The following STXBP5L variants were observed in gnomAD, a reference collection of about 807,000 sequenced individuals.
The protein encoded by STXBP5L is syntaxin binding protein 5L, also known as syntaxin-binding protein 5-like.
STXBP5L carries 65 observed loss-of-function variants against 144.5 expected under a neutral mutation model. That is an observed-to-expected ratio of 0.45 (90% CI 0.37 to 0.55). The LOEUF is 0.55. STXBP5L is among the 20% of genes least tolerant of loss of function. The pLI is 0.00. For missense variants in STXBP5L, 1,298 were observed against 1,405.5 expected, an observed-to-expected ratio of 0.92 and a Z score of 1.22; for synonymous variants, 505 against 469.6, an observed-to-expected ratio of 1.08 and a Z score of -0.97.
intron 9 of STXBP5L, among the ~76,000 whole-genome samples, chr3:121,184,433 T>G (rs988482824): frequency 1.3e-5 from 2 of 150,126 alleles, no homozygotes; most frequent in Admixed American, 6.7e-5. Flanking sequence ...AATATCAATA[T>G]CCAAATAGAT....
intron 19 of STXBP5L, among the ~76,000 whole-genome samples, chr3:121,311,898 C>G (rs540130167): frequency 2.8e-4 from 43 of 152,200 alleles, no homozygotes; most frequent in African/African-American, 8.4e-4. Flanking sequence ...AATCCTAAGC[C>G]AAAAGAACAA....
intron 7 of STXBP5L, among the ~76,000 whole-genome samples, chr3:121,146,054 G>T (rs2045701939): frequency 2.0e-5 from 3 of 151,884 alleles, no homozygotes; most frequent in Admixed American, 1.3e-4. Context: ...TCTTTCCCAG[G>T]CCTCTCCCAC....
At chr3:120,971,020 T>G (rs1268436398) in intron 3 of STXBP5L, among the ~76,000 whole-genome samples, 1 of 152,096 alleles carries the variant, frequency 6.6e-6, no homozygotes, top group Non-Finnish European at 1.5e-5. Flanking sequence ...CAGAACTGTA[T>G]TGTAGCCCTG....
chr3:121,041,375 T>G (rs1021967016), intron 3 of STXBP5L, among the ~76,000 whole-genome samples: 1 of 152,128 alleles, frequency 6.6e-6, no homozygotes, highest in Admixed American at 6.6e-5. Context: ...ACTTTGAATT[T>G]ATTGTGGTGA....
rs368864385 is a variant in STXBP5L, at chr3:121,041,657, G to A, written c.288-43G>A. On this transcript the variant is annotated intron_variant, in intron 3 of 26. Coordinates refer to ENST00000471454, the MANE Select transcript of STXBP5L (RefSeq NM_001308330.2). ...TTAGTTTCTTTGCTCATTAATATTG[G>A]TGCTAATTAAAATGTTAGAATCCTT... 8 of 1,382,222 alleles carry A rather than the reference G, an allele frequency of 5.8e-6. No homozygotes were observed. The African/African-American group carries it at 8.5e-5, about 15-fold the overall frequency. The allele number at this position is 1,382,222 out of a possible 1,614,324, so 85.6% of individuals were successfully genotyped here.
chr3:120,972,543 A>T (rs61797912), intron 3 of STXBP5L, among the ~76,000 whole-genome samples: 308 of 152,070 alleles, frequency 2.0e-3, no homozygotes, highest in Non-Finnish European at 3.0e-3. Flanking sequence ...TCTCTTTTCC[A>T]GTTTGCATGC....
chr3:121,024,907 A>G (rs1945816189), intron 3 of STXBP5L, among the ~76,000 whole-genome samples: 1 of 152,146 alleles, frequency 6.6e-6, no homozygotes, highest in African/African-American at 2.4e-5. Flanking sequence ...TGGTTTTTTG[A>G]TCATGAAAAA....
At chr3:121,363,455 G>T (rs2045773088) in intron 20 of STXBP5L, among the ~76,000 whole-genome samples, 2 of 152,136 alleles carry the variant, frequency 1.3e-5, no homozygotes, top group African/African-American at 4.8e-5. Flanking sequence ...TTCCCCTCTG[G>T]CTAGGGATGG....
At chr3:121,157,817 ACCAAC>A in intron 9 of STXBP5L, 190 bp downstream of exon 9, 1 of 674,862 alleles carries the variant, frequency 1.5e-6, no homozygotes, top group Non-Finnish European at 2.2e-6. Flanking sequence ...CCTTCTTCCT[ACCAAC>A]CCACATCCCT....
rs372159525 is a variant in STXBP5L, at chr3:121,407,368, T to C, written c.2713T>C (p.Trp905Arg). The C allele has an allele frequency of 1.0e-4, 165 of 1,612,826 alleles. No homozygotes were observed. Among genetic ancestry groups the C allele is most frequent in the Non-Finnish European group, 1.3e-4 (148 of 1,179,302 alleles). The change falls in exon 23 of 27, where the codon TGG (tryptophan) becomes CGG (arginine). Residue 905 changes from tryptophan (W) to arginine (R), a missense_variant. Trp to Arg is a moderately radical substitution (Grantham distance 101). Transcript: ENST00000471454. ...PNNIDENEKS[W>R]RRKVVMNSSS... ...CAACATAGATGAAAATGAAAAATCT[T>C]GGAGAAGGAAAGTGGTAATGAACTC...
At chr3:120,964,904 C>A (rs1325756774) in intron 3 of STXBP5L, among the ~76,000 whole-genome samples, 10 of 152,122 alleles carry the variant, frequency 6.6e-5, no homozygotes, top group Non-Finnish European at 1.5e-4. Flanking sequence ...GTGTGGGAGT[C>A]TAAGTCTCTT....
intron 3 of STXBP5L, among the ~76,000 whole-genome samples, chr3:121,040,839 T>C (rs1160842569): frequency 2.6e-5 from 4 of 152,140 alleles, no homozygotes; most frequent in Admixed American, 6.6e-5. Context: ...CTACCTGATA[T>C]GCAGTGTCTT....
intron 20 of STXBP5L, among the ~76,000 whole-genome samples, chr3:121,321,050 A>G (rs1323501311): frequency 6.6e-6 from 1 of 152,220 alleles, no homozygotes; most frequent in Non-Finnish European, 1.5e-5. Context: ...GCATGCAATT[A>G]AGTAGATTGT....
At position 121,045,322 on chromosome 3, in the gene STXBP5L, A is replaced by G. The variant is rs77941937; in HGVS notation, c.370-113A>G. ...ACCTATCCTTCCTTATATTTCTGAG[A>G]TAACAAAAGTAACTCTTCAGGTAGT... On this transcript the variant is annotated intron_variant, in intron 4 of 26. Transcript: ENST00000471454. 1,003 of 904,202 alleles carry G rather than the reference A, an allele frequency of 1.1e-3. 8 individuals are homozygous for G. The African/African-American group carries it at 0.015, about 14-fold the overall frequency. The allele number at this position is 904,202 out of a possible 1,614,324, so 56.0% of individuals were successfully genotyped here. A position where few individuals can be genotyped will look rare whatever the true frequency, so the allele number is the denominator to read the frequency against.
chr3:121,309,630 A>G (rs1195441202), intron 19 of STXBP5L, among the ~76,000 whole-genome samples: 1 of 152,184 alleles, frequency 6.6e-6, no homozygotes, highest in Non-Finnish European at 1.5e-5. Context: ...AATGCTATGT[A>G]GAAGACCTCG....
intron 22 of STXBP5L, among the ~76,000 whole-genome samples, chr3:121,388,306 A>G (rs2046481421): frequency 6.6e-6 from 1 of 152,208 alleles, no homozygotes; most frequent in Non-Finnish European, 1.5e-5. Context: ...GGCTGAGACG[A>G]TGGGGTTTTC....
At chr3:121,094,947 A>G (rs1025401660) in intron 5 of STXBP5L, among the ~76,000 whole-genome samples, 1 of 151,372 alleles carries the variant, frequency 6.6e-6, no homozygotes, top group African/African-American at 2.4e-5. Context: ...TTCCTTCAGG[A>G]GCTCTTTTAG....
chr3:121,208,349 G>A (rs983692110), intron 10 of STXBP5L, among the ~76,000 whole-genome samples: 5 of 139,618 alleles, frequency 3.6e-5, no homozygotes, highest in South Asian at 2.4e-4. Flanking sequence ...GGGGGGAGGG[G>A]GGAAGGATAG....
chr3:121,391,404 A>C (rs1183861194), intron 22 of STXBP5L, among the ~76,000 whole-genome samples: 2 of 152,160 alleles, frequency 1.3e-5, no homozygotes, highest in Non-Finnish European at 2.9e-5. Flanking sequence ...TGTCAAAGTC[A>C]TTCTCTGTCC....
Sources: allele counts gnomAD v4.1 joint callset (sites outside exome capture counted in the v4.1 genomes callset), GRCh38; gene constraint gnomAD v4.1.1; transcripts MANE v1.5; gene names NCBI Gene and HGNC (gene_info 2026-07-23, HGNC 2026-07-21).